The following HECW1 variants were observed in gnomAD, a reference collection of about 807,000 sequenced individuals.
The protein encoded by HECW1 is E3 ubiquitin-protein ligase HECW1.
HECW1 carries 61 observed loss-of-function variants against 182.3 expected under a neutral mutation model. The ratio of observed to expected loss-of-function variants is 0.33; its 90% confidence interval spans 0.27 to 0.41. HECW1 has a LOEUF of 0.41. Ranked by LOEUF, HECW1 falls within the 10% of genes least tolerant of loss-of-function variation. The pLI is 1.00. For missense variants in HECW1, 1,739 were observed against 2,108.9 expected (o/e 0.82, Z 3.44); for synonymous variants, 859 against 832.6 (o/e 1.03, Z -0.55).
At chr7:43,520,903 A>G (rs1585177617) in intron 24 of HECW1, among the ~76,000 whole-genome samples, 1 of 152,260 alleles carries the variant, frequency 6.6e-6, no homozygotes, top group East Asian at 1.9e-4. Flanking sequence ...TTTAAACTGG[A>G]TCAGGGCAAC....
rs186919668 is a variant in HECW1, at chr7:43,504,352, C to T, written c.3632-2785C>T. ...CCTCTTCTCTTCCAATGTGCTTGAT[C>T]CACTACCCTTCCTACTACCACCCTT... is the stretch of plus-strand genomic sequence containing the variant. On this transcript the variant is annotated intron_variant, in intron 21 of 29. Coordinates refer to ENST00000395891, the MANE Select transcript of HECW1 (RefSeq NM_015052.5). Among the ~76,000 whole-genome samples the T allele has an allele frequency of 1.0e-3, 154 of 152,330 alleles. 1 individual carries two copies. The highest frequency in any genetic ancestry group is 1.1e-3 in the Non-Finnish European group (75 of 68,034).
chr7:43,455,543 G>A (rs1218988284), intron 12 of HECW1, among the ~76,000 whole-genome samples: 3 of 152,230 alleles, frequency 2.0e-5, no homozygotes, highest in Admixed American at 2.0e-4. Flanking sequence ...CAGCATCACA[G>A]TGTCAGCTCG....
At chr7:43,130,455 C>T (rs1234760378) in intron 2 of HECW1, among the ~76,000 whole-genome samples, 1 of 152,204 alleles carries the variant, frequency 6.6e-6, no homozygotes, top group Non-Finnish European at 1.5e-5. Context: ...GTCACTATCT[C>T]AGGCACCCAT....
At chr7:43,172,810 G>A (rs922651352) in intron 2 of HECW1, among the ~76,000 whole-genome samples, 2 of 152,210 alleles carry the variant, frequency 1.3e-5, no homozygotes, top group African/African-American at 4.8e-5. Flanking sequence ...GGCATTGTAA[G>A]CGATCCTTGG....
Position 43,370,696 on chromosome 7 carries a change from A to G in HECW1, c.555+9716A>G, listed in dbSNP as rs80212680. Among the ~76,000 whole-genome samples, 1,438 of 152,282 alleles carry G rather than the reference A, an allele frequency of 9.4e-3. 15 individuals are homozygous for G. The highest frequency in any genetic ancestry group is 0.017 in the Non-Finnish European group (1,142 of 67,996). ...AAAAAAAAATGAGCTGCCAAGCTAT[A>G]AAAAGACATGAGGAAATCTTAGATG... On this transcript the variant is annotated intron_variant, in intron 6 of 29. Coordinates refer to ENST00000395891, the MANE Select transcript of HECW1 (RefSeq NM_015052.5).
intron 24 of HECW1, among the ~76,000 whole-genome samples, chr7:43,532,550 TTC>T (rs2081033889): frequency 6.6e-6 from 1 of 152,106 alleles, no homozygotes; most frequent in African/African-American, 2.4e-5. Context: ...CATTTCCCCC[TTC>T]TCTCTCTGGA....
intron 3 of HECW1, among the ~76,000 whole-genome samples, chr7:43,310,176 C>G (rs370431547): frequency 7.2e-5 from 11 of 152,132 alleles, no homozygotes; most frequent in South Asian, 2.1e-4. Context: ...CTTGCAGCAG[C>G]CTTTCTGTTT....
intron 3 of HECW1, among the ~76,000 whole-genome samples, chr7:43,308,044 T>TAA (rs1491563349): frequency 2.7e-5 from 3 of 112,928 alleles, no homozygotes; most frequent in African/African-American, 3.6e-5. Flanking sequence ...TTATATTGTA[T>TAA]TATATATAAT....
chr7:43,501,134 C>T, intron 20 of HECW1, 79 bp from the exon 21 acceptor site: 1 of 760,436 alleles, frequency 1.3e-6, no homozygotes, highest in Non-Finnish European at 2.2e-6. Flanking sequence ...GCTGCTACCC[C>T]AATTCGTGAA....
chr7:43,447,517 A>G (rs1005783088), intron 11 of HECW1, among the ~76,000 whole-genome samples: 5 of 152,196 alleles, frequency 3.3e-5, no homozygotes, highest in African/African-American at 1.2e-4. Context: ...ATGCTTCACT[A>G]TGGCGATCAC....
chr7:43,399,268 A>G (rs777263219), intron 7 of HECW1, among the ~76,000 whole-genome samples: 1 of 152,214 alleles, frequency 6.6e-6, no homozygotes, highest in Non-Finnish European at 1.5e-5. Flanking sequence ...CCAGGAATGA[A>G]CAAAGACAGC....
chr7:43,496,326 T>A (rs1258560786), intron 19 of HECW1, among the ~76,000 whole-genome samples: 2 of 151,910 alleles, frequency 1.3e-5, no homozygotes, highest in Non-Finnish European at 2.9e-5. Context: ...TAATGGACCC[T>A]AAGGAAACTG....
intron 2 of HECW1, among the ~76,000 whole-genome samples, chr7:43,145,178 G>T (rs926478837): frequency 7.2e-5 from 11 of 152,086 alleles, no homozygotes; most frequent in Admixed American, 7.2e-4. Context: ...TTGAGATATG[G>T]GTTGATTGGA....
intron 2 of HECW1, among the ~76,000 whole-genome samples, chr7:43,211,949 T>C (rs1796043078): frequency 2.0e-5 from 3 of 152,212 alleles, no homozygotes; most frequent in African/African-American, 7.2e-5. Context: ...TTAATGACTT[T>C]ACCTCTCCCT....
chr7:43,424,387 A>T (rs1168500643), intron 8 of HECW1, among the ~76,000 whole-genome samples: 1 of 152,210 alleles, frequency 6.6e-6, no homozygotes, highest in East Asian at 1.9e-4. Context: ...TGGGAAGCCA[A>T]GGTGGTAGGA....
At chr7:43,279,369 T>A (rs1803592783) in intron 3 of HECW1, among the ~76,000 whole-genome samples, 1 of 152,190 alleles carries the variant, frequency 6.6e-6, no homozygotes, top group African/African-American at 2.4e-5. Context: ...TATTTGTTCA[T>A]AAGCCAGAGG....
intron 6 of HECW1, among the ~76,000 whole-genome samples, chr7:43,389,669 C>A (rs2074942772): frequency 6.6e-6 from 1 of 152,034 alleles, no homozygotes; most frequent in African/African-American, 2.4e-5. Context: ...GAGACAGGAT[C>A]TCATTCTGTC....
At chr7:43,553,288 A>T (rs1349545266) in intron 28 of HECW1, among the ~76,000 whole-genome samples, 2 of 152,166 alleles carry the variant, frequency 1.3e-5, no homozygotes, top group African/African-American at 4.8e-5. Context: ...TACAGTAGAG[A>T]GTGAGCTGGG....
chr7:43,278,055 G>A (rs546498556), intron 3 of HECW1, among the ~76,000 whole-genome samples: 4 of 151,878 alleles, frequency 2.6e-5, no homozygotes, highest in Non-Finnish European at 5.9e-5. Context: ...CTACTCTTGT[G>A]ACTTGAAATA....
Sources: gnomAD v4.1 joint callset for allele counts (sites outside exome capture counted in the v4.1 genomes callset) on GRCh38, gnomAD v4.1.1 for gene constraint, MANE v1.5 for transcripts, NCBI Gene and HGNC (gene_info 2026-07-23, HGNC 2026-07-21) for gene names.